SCML4: variants seen among roughly 807,000 people sequenced by gnomAD.
SCML4 encodes the protein Scm polycomb group protein like 4.
SCML4 carries 34 observed loss-of-function variants against 41.1 expected under a neutral mutation model. The ratio of observed to expected loss-of-function variants is 0.83; its 90% CI spans 0.63 to 1.10. The LOEUF (loss-of-function observed/expected upper bound fraction) is 1.10, where lower values mean the gene tolerates loss of function less well. SCML4 is among the 50% of genes least tolerant of loss of function. The pLI is 0.00. For missense variants in SCML4, 522 were observed against 534.1 expected (o/e 0.98, Z 0.22); for synonymous variants, 214 against 220.9 (o/e 0.97, Z 0.28).
chr6:107,729,829 G>A (rs921127155), intron 5 of SCML4, among the ~76,000 whole-genome samples: 1 of 152,156 alleles, frequency 6.6e-6, no homozygotes, highest in South Asian at 2.1e-4. Flanking sequence ...ATCTCTTCAG[G>A]CAGGGTGTTG....
At chr6:107,776,682 A>G (rs1780977276) in intron 1 of SCML4, among the ~76,000 whole-genome samples, 1 of 152,190 alleles carries the variant, frequency 6.6e-6, no homozygotes, top group Admixed American at 6.5e-5. Flanking sequence ...GTAAAAATTT[A>G]CACAGCCACA....
chr6:107,730,022 C>T (rs1282798607), intron 5 of SCML4, among the ~76,000 whole-genome samples: 1 of 152,116 alleles, frequency 6.6e-6, no homozygotes, highest in East Asian at 1.9e-4. Context: ...GGACATGTAC[C>T]CTTTACACTA....
intron 1 of SCML4, among the ~76,000 whole-genome samples, chr6:107,775,015 A>AAGAAAG (rs1171404860): frequency 6.6e-6 from 1 of 152,182 alleles, no homozygotes; most frequent in East Asian, 1.9e-4. Flanking sequence ...AAAAGAAAGA[A>AAGAAAG]AGAAAGAAAA....
the SCML4 span, among the ~76,000 whole-genome samples, chr6:107,831,057 C>T: frequency 6.6e-6 from 1 of 152,088 alleles, no homozygotes; most frequent in Admixed American, 6.5e-5. Flanking sequence ...GAATAACAGA[C>T]TTCAAATAAA....
chr6:107,788,315 A>G (rs1205338394), intron 1 of SCML4, among the ~76,000 whole-genome samples: 4 of 152,170 alleles, frequency 2.6e-5, no homozygotes, highest in Non-Finnish European at 4.4e-5. Flanking sequence ...TACTTGCCAG[A>G]GCCATGTCAC....
chr6:107,707,196 GT>G (rs59556541), intron 7 of SCML4, among the ~76,000 whole-genome samples: 39,825 of 151,866 alleles, frequency 0.26, 5,603 homozygotes, highest in East Asian at 0.38. Context: ...AGCTGCTCGG[GT>G]GGGCTGAGGC....
chr6:107,750,459 C>T (rs1013235278), intron 2 of SCML4, among the ~76,000 whole-genome samples: 9 of 152,180 alleles, frequency 5.9e-5, no homozygotes, highest in African/African-American at 2.2e-4. Context: ...TAGTTGATGA[C>T]TTGTTGATAT....
intron 7 of SCML4, among the ~76,000 whole-genome samples, chr6:107,706,602 C>T (rs529411914): frequency 3.3e-5 from 5 of 152,284 alleles, no homozygotes; most frequent in Non-Finnish European, 5.9e-5. Flanking sequence ...TCAAGTTACA[C>T]GGTGAAGGGG....
chr6:107,775,602 T>A (rs1298718704), intron 1 of SCML4, among the ~76,000 whole-genome samples: 1 of 152,240 alleles, frequency 6.6e-6, no homozygotes, highest in Non-Finnish European at 1.5e-5. Context: ...TTTCTTAAAA[T>A]TTTGCTAATG....
Position 107,797,830 on chromosome 6 carries a change from G to A in SCML4, c.-59-25444C>T, listed in dbSNP as rs559799303. Reference sequence around the variant, plus strand: ...AGTATCCTAAGAGGTTTTTTTAATCGTGAACAGACATTAAATTTTGCAAAT... The same window carrying A: ...AGTATCCTAAGAGGTTTTTTTAATCATGAACAGACATTAAATTTTGCAAAT... On this transcript the variant is annotated intron_variant, in intron 1 of 7. Coordinates refer to ENST00000369020, the MANE Select transcript of SCML4 (RefSeq NM_198081.5). Among the ~76,000 whole-genome samples, 18 of 151,758 alleles carry A rather than the reference G, an allele frequency of 1.2e-4. No homozygotes were observed. The East Asian group carries it at 1.5e-3, about 13-fold the overall frequency.
chr6:107,776,506 C>T (rs527270337), intron 1 of SCML4, among the ~76,000 whole-genome samples: 37 of 152,202 alleles, frequency 2.4e-4, no homozygotes, highest in African/African-American at 8.9e-4. Context: ...TTGCCAACTC[C>T]CCCAAAAAGT....
At chr6:107,751,241 A>G (rs1416276691) in intron 2 of SCML4, among the ~76,000 whole-genome samples, 1 of 152,236 alleles carries the variant, frequency 6.6e-6, no homozygotes, top group Non-Finnish European at 1.5e-5. Flanking sequence ...TGAGAAGTGC[A>G]ATTGAGTTGT....
the SCML4 span, among the ~76,000 whole-genome samples, chr6:107,839,397 G>A: frequency 7.4e-6 from 1 of 135,158 alleles, no homozygotes; most frequent in African/African-American, 2.9e-5. Flanking sequence ...AAGAAAGAAA[G>A]AAAGAAAGAA....
intron 6 of SCML4, chr6:107,720,376 C>A: frequency 2.9e-6 from 3 of 1,028,456 alleles, no homozygotes; most frequent in Non-Finnish European, 3.5e-6. Context: ...AGCCTATGTC[C>A]CTATATTGAG....
At chr6:107,719,524 C>A (rs1006115001) in intron 6 of SCML4, 1 of 152,254 alleles carries the variant, frequency 6.6e-6, no homozygotes, top group African/African-American at 2.4e-5. Context: ...GATGAAGACT[C>A]CCAGACTCCT....
the SCML4 span, among the ~76,000 whole-genome samples, chr6:107,832,278 G>C: frequency 3.7e-4 from 56 of 152,084 alleles, no homozygotes; most frequent in African/African-American, 1.3e-3. Context: ...CATTAGCAGG[G>C]AGTCCAATGA....
At chr6:107,766,200 T>C (rs1032879145) in intron 2 of SCML4, among the ~76,000 whole-genome samples, 4 of 151,992 alleles carry the variant, frequency 2.6e-5, no homozygotes, top group African/African-American at 9.7e-5. Flanking sequence ...TGAAATCCCG[T>C]CTCTACTAAA....
chr6:107,727,293 G>T (rs1162956021), intron 5 of SCML4, among the ~76,000 whole-genome samples: 2 of 152,146 alleles, frequency 1.3e-5, no homozygotes, highest in African/African-American at 4.8e-5. Context: ...TATGTGGGAG[G>T]TTTCTTTGAG....
intron 3 of SCML4, 68 bp downstream of exon 3, chr6:107,749,616 C>T: frequency 6.4e-7 from 1 of 1,569,286 alleles, no homozygotes; most frequent in Non-Finnish European, 8.7e-7. Context: ...CACAAAGTAA[C>T]AATTAGATGG....
Sources: allele counts gnomAD v4.1 joint callset (sites outside exome capture counted in the v4.1 genomes callset), GRCh38; gene constraint gnomAD v4.1.1; transcripts MANE v1.5; gene names NCBI Gene and HGNC (gene_info 2026-07-23, HGNC 2026-07-21).